BTN3A1: variants seen among roughly 807,000 people sequenced by gnomAD.
BTN3A1 encodes the protein dJ45P21.3 (butyrophilin, subfamily 3, member A1).
BTN3A1 carries 24 observed loss-of-function variants against 43.0 expected under a neutral mutation model. The ratio of observed to expected loss-of-function variants is 0.56; its 90% confidence interval spans 0.40 to 0.78. The LOEUF (loss-of-function observed/expected upper bound fraction) is 0.78. Among genes scored for constraint, BTN3A1 ranks in the 30% least tolerant of loss-of-function variants. BTN3A1 has a pLI of 0.00. For synonymous variants in BTN3A1, 181 were observed against 234.7 expected, an observed-to-expected ratio of 0.77 and a Z score of 2.09; for missense variants, 533 against 626.2, an observed-to-expected ratio of 0.85 and a Z score of 1.59.
At chr6:26,411,759 T>C (rs28571747) in intron 9 of BTN3A1, 178 bp downstream of exon 9, 117,531 of 723,432 alleles carry the variant, frequency 0.16, 10,328 homozygotes, top group South Asian at 0.23. Flanking sequence ...AGACCCTTTC[T>C]GCTGAGAGCC....
At chr6:26,409,479 T>C in intron 4 of BTN3A1, 54 bp from the exon 5 acceptor site, 2 of 1,561,708 alleles carry the variant, frequency 1.3e-6, no homozygotes, top group Non-Finnish European at 1.8e-6. Flanking sequence ...GGCGCTGCAG[T>C]CTGGGGAGGC....
At chr6:26,408,104 T>C in intron 4 of BTN3A1, 152 bp downstream of exon 4, 1 of 1,257,594 alleles carries the variant, frequency 8.0e-7, no homozygotes, top group Non-Finnish European at 1.1e-6. Context: ...CCGGGGGAGC[T>C]TCTCTTCTCC....
chr6:26,407,947 T>A lies in BTN3A1; in HGVS notation c.710T>A (p.Ile237Asn). Reference protein sequence around the residue: ...LGLEKTASISIADPFFRSAQR... With the variant: ...LGLEKTASISNADPFFRSAQR... ...CTGGAAAAGACAGCCAGCATTTCCA[T>A]CGCAGGTCAGTACCTGCTTGGCCTC... is the stretch of plus-strand genomic sequence containing the variant. Residue 237 changes from isoleucine (I) to asparagine (N), a missense_variant, in exon 4 of 10, where the codon ATC (isoleucine) becomes AAC (asparagine). Coordinates refer to ENST00000289361, the MANE Select transcript of BTN3A1 (RefSeq NM_007048.6). 1.2e-6 allele frequency: 2 copies of A among 1,614,134 alleles called. No homozygotes were observed. Among genetic ancestry groups the A allele is most frequent in the South Asian group, 2.2e-5 (2 of 91,084 alleles).
Position 26,414,255 on chromosome 6 carries a change from C to T in BTN3A1, c.*563C>T, listed in dbSNP as rs3208734. ...TTGGGAGATGTTCAGCTTCAGTCCC[C>T]GGCCCTATGGCCGTTCTTTTCCACC... On this transcript the variant is annotated 3_prime_UTR_variant, in exon 10 of 10. Coordinates refer to ENST00000289361, the MANE Select transcript of BTN3A1 (RefSeq NM_007048.6). The T allele has an allele frequency of 0.17, 27,703 of 163,562 alleles. 2,497 individuals carry two copies. The highest frequency in any genetic ancestry group is 0.22 in the South Asian group (1,374 of 6,222). The allele number at this position is 163,562 out of a possible 1,614,324, so 10.1% of individuals were successfully genotyped here.
Position 26,407,932 on chromosome 6 carries a change from C to T in BTN3A1, c.695C>T (p.Thr232Ile), listed in dbSNP as rs1561845644. 2 of 1,614,174 alleles carry T rather than the reference C, an allele frequency of 1.2e-6. No individual in the cohort carries two copies. The highest frequency in any genetic ancestry group is 1.1e-5 in the South Asian group (1 of 91,082). Residue 232 changes from threonine to isoleucine, a missense_variant, in exon 4 of 10, where the codon ACA becomes ATA. Around this residue, in one of 4 missense-constraint regions of BTN3A1, gnomAD observed 415 missense variants for 427.0 expected, o/e 0.97. Transcript: ENST00000289361. ...AGTTCCCTCCTCGGCCTGGAAAAGACAGCCAGCATTTCCATCGCAGGTCAG... is the reference window on the plus strand; with the variant it reads ...AGTTCCCTCCTCGGCCTGGAAAAGATAGCCAGCATTTCCATCGCAGGTCAG... ...IRSSLLGLEK[T>I]ASISIADPFF...
chr6:26,405,034 A>G (rs1204873157), intron 1 of BTN3A1, among the ~76,000 whole-genome samples: 2 of 152,204 alleles, frequency 1.3e-5, no homozygotes, highest in Non-Finnish European at 2.9e-5. Context: ...CTTGGATTAA[A>G]TGTGGTGGGT....
At chr6:26,407,476 A>G (rs1048347319) in intron 3 of BTN3A1, among the ~76,000 whole-genome samples, 195 bp from the exon 4 acceptor site, 1 of 152,148 alleles carries the variant, frequency 6.6e-6, no homozygotes, top group African/African-American at 2.4e-5. Context: ...GGTGGGTGGG[A>G]ATAGCCCCAC....
At chr6:26,412,651 A>G in intron 9 of BTN3A1, 2 of 1,550,802 alleles carry the variant, frequency 1.3e-6, no homozygotes, top group Non-Finnish European at 1.7e-6. Context: ...TGAGTAAATA[A>G]CATGATTGCC....
In BTN3A1 at chr6:26,412,801, T is replaced by C. The variant is rs1581633984; in HGVS notation, c.1019-368T>C. 2.6e-6 allele frequency: 4 copies of C among 1,550,652 alleles called. No individual in the cohort carries two copies. In the East Asian group the frequency reaches 7.3e-5, roughly 28 times the overall value. The stretch of plus-strand genomic sequence containing the variant: ...AAGGGGAACTCATTTAGCTCATGAG[T>C]GGTCGAATGAAGGTTGAAAATTAAC... On this transcript the variant is annotated intron_variant, in intron 9 of 9. Coordinates refer to ENST00000289361, the MANE Select transcript of BTN3A1 (RefSeq NM_007048.6).
At chr6:26,412,023 G>T in intron 9 of BTN3A1, 1 of 214,590 alleles carries the variant, frequency 4.7e-6, no homozygotes, top group Admixed American at 5.4e-5. Flanking sequence ...CACATATTTA[G>T]GTGATGATTT....
At chr6:26,412,937 A>G in intron 9 of BTN3A1, 1 of 1,039,406 alleles carries the variant, frequency 9.6e-7, no homozygotes, top group Non-Finnish European at 1.3e-6. Context: ...TGGGTTAGGC[A>G]GAGATGCTGA....
rs1170183887 is a variant in BTN3A1 at position 26,411,000 on chromosome 6, T to TAAA, written c.965-88_965-86dup. 3.3e-3 allele frequency: 1,196 copies of TAAA among 359,100 alleles called. 3 individuals are homozygous for TAAA. Among genetic ancestry groups the TAAA allele is most frequent in the South Asian group, 8.3e-3 (177 of 21,390 alleles). The allele number at this position is 359,100 out of a possible 1,614,324, so 22.2% of individuals were successfully genotyped here. Reference sequence around the variant, plus strand: ...CTGCAGAGGAGGAAGATACAGGTGGTAAAAAAAAAAAAAAAAAAAAAAAGA... The same window carrying TAAA: ...CTGCAGAGGAGGAAGATACAGGTGGTAAAAAAAAAAAAAAAAAAAAAAAAAAGA... On this transcript the variant is annotated intron_variant, in intron 7 of 9. Transcript: ENST00000289361.
intron 4 of BTN3A1, 128 bp from the exon 5 acceptor site, chr6:26,409,405 G>T: frequency 1.1e-6 from 1 of 888,376 alleles, no homozygotes. Context: ...GCATGAGAAA[G>T]ATTATTTAAC....
In BTN3A1 at chr6:26,413,674, G is replaced by A. The variant is rs1245547367; in HGVS notation, c.1524G>A (p.Leu508=). The change falls in exon 10 of 10, where the codon CTG becomes CTA. Residue 508 remains leucine (L), a synonymous_variant. Coordinates refer to ENST00000289361, the MANE Select transcript of BTN3A1 (RefSeq NM_007048.6). ...FRILTLEPTA[L]TICPA The stretch of plus-strand genomic sequence containing the variant: ...TTTTGACCTTGGAGCCCACGGCCCT[G>A]ACTATTTGTCCAGCGTGAAAAGAAG... 1.9e-6 allele frequency: 3 copies of A among 1,613,394 alleles called. No homozygotes were observed. The highest frequency in any genetic ancestry group is 1.7e-4 in the Middle Eastern group (1 of 6,058).
intron 4 of BTN3A1, among the ~76,000 whole-genome samples, 183 bp from the exon 5 acceptor site, chr6:26,409,350 A>G (rs1207000863): frequency 6.6e-6 from 1 of 152,214 alleles, no homozygotes; most frequent in East Asian, 1.9e-4. Context: ...AGCAGCCTCT[A>G]GTGGGGGTTT....
At chr6:26,411,025 A>AAAAATT in intron 7 of BTN3A1, 84 bp from the exon 8 acceptor site, 1 of 796,986 alleles carries the variant, frequency 1.3e-6, no homozygotes. Context: ...AAAAAAAAAG[A>AAAAATT]TTAGATGGAT....
At chr6:26,411,026 T>G (rs1458789421) in intron 7 of BTN3A1, 83 bp from the exon 8 acceptor site, 3 of 876,460 alleles carry the variant, frequency 3.4e-6, no homozygotes, top group Admixed American at 3.6e-5. Context: ...AAAAAAAAGA[T>G]TAGATGGATG....
rs2113777847 is a variant in BTN3A1 at position 26,402,414 on chromosome 6, T to G, written c.-193+2T>G. ...ATTTTCAGAGGGGAATGCTAAGAGG[T>G]GAGTGGGGGAAGTCGATTAGAGCCT... On this transcript the variant is annotated splice_donor_variant, in intron 1 of 9. Transcript: ENST00000289361. LOFTEE classifies it low-confidence loss of function (5UTR_SPLICE). The G allele has an allele frequency of 6.6e-6, 1 of 152,042 alleles. No individual in the cohort carries two copies. Among genetic ancestry groups the G allele is most frequent in the Admixed American group, 6.6e-5 (1 of 15,258 alleles). The allele number at this position is 152,042 out of a possible 1,614,324, so 9.4% of individuals were successfully genotyped here. A position where few individuals can be genotyped will look rare whatever the true frequency, so the allele number is the denominator to read the frequency against.
At chr6:26,411,286 C>A in intron 8 of BTN3A1, 151 bp downstream of exon 8, 1 of 1,159,370 alleles carries the variant, frequency 8.6e-7, no homozygotes, top group Non-Finnish European at 1.2e-6. Context: ...TTGATTTCTG[C>A]TTTTCTGGAG....
Sources: allele counts gnomAD v4.1 joint callset (sites outside exome capture counted in the v4.1 genomes callset), GRCh38; gene constraint gnomAD v4.1.1; regional missense constraint gnomAD v4.1.1; transcripts MANE v1.5; gene names NCBI Gene and HGNC (gene_info 2026-07-23, HGNC 2026-07-21).